Variants in XYLT1 observed in about 807,000 individuals in gnomAD.
The protein encoded by XYLT1 is beta-D-xylosyltransferase 1.
A neutral mutation model predicts 91.3 loss-of-function variants in XYLT1; 36 were observed. The observed-to-expected ratio is 0.39, with a 90% CI of 0.30 to 0.52. XYLT1 has a LOEUF of 0.52. Ranked by LOEUF, XYLT1 falls within the 20% of genes least tolerant of loss-of-function variation. The probability of loss-of-function intolerance (pLI) is 0.68; values close to 1 mark genes in which losing one functional copy is unlikely to be tolerated. For synonymous variants in XYLT1, 588 were observed against 532.0 expected (o/e 1.11, Z -1.45); for missense variants, 1,242 against 1,284.5 (o/e 0.97, Z 0.51).
intron 2 of XYLT1, among the ~76,000 whole-genome samples, chr16:17,326,387 T>G (rs992914048): frequency 6.6e-6 from 1 of 152,146 alleles, no homozygotes; most frequent in African/African-American, 2.4e-5. Context: ...ACTCCCTCTT[T>G]TTGGCTTCAG....
Position 17,370,191 on chromosome 16 carries a change from A to G in XYLT1, c.364-12141T>C, listed in dbSNP as rs1207749358. Among the ~76,000 whole-genome samples the G allele has an allele frequency of 2.6e-5, 4 of 152,294 alleles. No homozygotes were observed. In the East Asian group the frequency reaches 7.7e-4, roughly 29 times the overall value. ...AATGGCTTTGTTTCTGAAACGATCAATTCTACACCCAGAAAGCCAAATTTG... is the reference window on the plus strand; with the variant it reads ...AATGGCTTTGTTTCTGAAACGATCAGTTCTACACCCAGAAAGCCAAATTTG... On this transcript the variant is annotated intron_variant, in intron 1 of 11. Transcript: ENST00000261381.
chr16:17,150,863 TG>T (rs2031264901), intron 6 of XYLT1, among the ~76,000 whole-genome samples: 1 of 152,180 alleles, frequency 6.6e-6, no homozygotes, highest in African/African-American at 2.4e-5. Flanking sequence ...GAGGAGCAGG[TG>T]GCATGCAAGC....
intron 1 of XYLT1, among the ~76,000 whole-genome samples, chr16:17,421,312 T>A (rs918095662): frequency 6.6e-6 from 1 of 152,230 alleles, no homozygotes; most frequent in Non-Finnish European, 1.5e-5. Context: ...TTTCCAAAGA[T>A]GACCACAGCT....
chr16:17,381,134 A>G (rs566804021), intron 1 of XYLT1, among the ~76,000 whole-genome samples: 2 of 152,270 alleles, frequency 1.3e-5, no homozygotes, highest in Admixed American at 1.3e-4. Flanking sequence ...ACAAATCTAG[A>G]GTGAGAGAAA....
intron 3 of XYLT1, among the ~76,000 whole-genome samples, chr16:17,239,969 G>C (rs1307908766): frequency 6.6e-6 from 1 of 152,148 alleles, no homozygotes; most frequent in African/African-American, 2.4e-5. Flanking sequence ...CTTAGTACCA[G>C]GTGGTGTAAG....
intron 9 of XYLT1, among the ~76,000 whole-genome samples, chr16:17,129,790 G>A (rs879821829): frequency 2.0e-4 from 30 of 152,130 alleles, no homozygotes; most frequent in South Asian, 1.0e-3. Context: ...TGTGGCTACC[G>A]TATTGGACAG....
chr16:17,144,636 T>C lies in XYLT1; in HGVS notation c.1371-3267A>G, dbSNP rs541712806. ...AGACCAGTTTGGCTTAATTGGGAGA[T>C]TGCTCTGGGCAGATGACACAGATTG... On this transcript the variant is annotated intron_variant, in intron 6 of 11. Coordinates refer to ENST00000261381, the MANE Select transcript of XYLT1 (RefSeq NM_022166.4). Among the ~76,000 whole-genome samples the C allele has an allele frequency of 2.8e-4, 42 of 152,314 alleles. No homozygotes were observed. In the South Asian group the frequency reaches 7.9e-3, roughly 29 times the overall value.
chr16:17,315,337 C>T (rs2034612188), intron 2 of XYLT1, among the ~76,000 whole-genome samples: 1 of 152,236 alleles, frequency 6.6e-6, no homozygotes, highest in Admixed American at 6.5e-5. Flanking sequence ...ACATGTTCTT[C>T]CCCCTACTGG....
intron 10 of XYLT1, among the ~76,000 whole-genome samples, chr16:17,120,156 C>T (rs1482863861): frequency 1.3e-5 from 2 of 152,046 alleles, no homozygotes; most frequent in Non-Finnish European, 2.9e-5. Context: ...GCATAGTGCC[C>T]GGAACACAGT....
At chr16:17,421,344 C>CT (rs572712518) in intron 1 of XYLT1, among the ~76,000 whole-genome samples, 28 of 152,316 alleles carry the variant, frequency 1.8e-4, no homozygotes, top group African/African-American at 6.7e-4. Context: ...CCCATATGCT[C>CT]TTCTGCAAGG....
At chr16:17,181,669 T>C (rs763356914) in intron 5 of XYLT1, among the ~76,000 whole-genome samples, 8 of 152,190 alleles carry the variant, frequency 5.3e-5, no homozygotes, top group Admixed American at 6.5e-5. Flanking sequence ...TAGGATTACT[T>C]AGTGCTGGAG....
chr16:17,160,811 A>G (rs1249767735), intron 5 of XYLT1, among the ~76,000 whole-genome samples: 3 of 152,186 alleles, frequency 2.0e-5, no homozygotes, highest in Non-Finnish European at 2.9e-5. Context: ...AGCCTCTTTA[A>G]TAAGTCGCTG....
intron 3 of XYLT1, among the ~76,000 whole-genome samples, chr16:17,234,413 G>C (rs1380282467): frequency 6.6e-6 from 1 of 152,126 alleles, no homozygotes; most frequent in Non-Finnish European, 1.5e-5. Context: ...TCAACGCTAA[G>C]TCTTGAGATA....
intron 2 of XYLT1, among the ~76,000 whole-genome samples, chr16:17,341,942 T>C (rs1460829520): frequency 6.6e-6 from 1 of 152,206 alleles, no homozygotes; most frequent in Admixed American, 6.5e-5. Flanking sequence ...TACAACATCC[T>C]TCCCCCTCAC....
intron 2 of XYLT1, among the ~76,000 whole-genome samples, chr16:17,356,907 T>A (rs1347366605): frequency 6.6e-6 from 1 of 152,072 alleles, no homozygotes. Context: ...CCGGACGCAG[T>A]GGCTCATGCC....
At chr16:17,375,719 C>T (rs967231754) in intron 1 of XYLT1, among the ~76,000 whole-genome samples, 4 of 152,236 alleles carry the variant, frequency 2.6e-5, no homozygotes, top group African/African-American at 9.6e-5. Flanking sequence ...CCCTCGTGCC[C>T]ATCAGATCAA....
chr16:17,243,568 T>C (rs1209315349), intron 3 of XYLT1, among the ~76,000 whole-genome samples: 1 of 152,044 alleles, frequency 6.6e-6, no homozygotes, highest in Admixed American at 6.6e-5. Context: ...AGATTAAAGA[T>C]CAAGCAACAG....
rs775488010 is a variant in XYLT1, at chr16:17,127,684, C to T, written c.2205G>A (p.Gly735=). The change falls in exon 10 of 12, where the codon GGG becomes GGA. Residue 735 remains glycine (G), a synonymous_variant. Coordinates refer to ENST00000261381, the MANE Select transcript of XYLT1 (RefSeq NM_022166.4). Reference sequence around the variant, plus strand: ...CTCTTACCTCGGAAAACTGAAGCCTCCCAAAGTCACTGGGTGGGCTTGCGA... The same window carrying T: ...CTCTTACCTCGGAAAACTGAAGCCTTCCAAAGTCACTGGGTGGGCTTGCGA... The part of the protein sequence containing the change: ...FKIASPPSDF[G]RLQFSEVGTD... 1.2e-6 allele frequency: 2 copies of T among 1,614,054 alleles called. No individual in the cohort carries two copies. The highest frequency in any genetic ancestry group is 1.7e-6 in the Non-Finnish European group (2 of 1,179,982).
chr16:17,304,989 G>C (rs1041552608), intron 2 of XYLT1, among the ~76,000 whole-genome samples: 1 of 152,204 alleles, frequency 6.6e-6, no homozygotes, highest in South Asian at 2.1e-4. Context: ...GCACAGGAAT[G>C]ATCTGGAAGT....
Sources: gnomAD v4.1 joint callset for allele counts (sites outside exome capture counted in the v4.1 genomes callset) on GRCh38, gnomAD v4.1.1 for gene constraint, MANE v1.5 for transcripts, NCBI Gene and HGNC (gene_info 2026-07-23, HGNC 2026-07-21) for gene names.